DACH2: variants seen among roughly 807,000 people sequenced by gnomAD.
DACH2 encodes dachshund homolog 2.
In DACH2, 17 loss-of-function variants were observed where a neutral mutation model predicts 35.8. That is an observed-to-expected ratio of 0.48 (90% CI 0.33 to 0.71). The LOEUF (loss-of-function observed/expected upper bound fraction) is 0.71, where lower values mean the gene tolerates loss of function less well. Ranked by LOEUF, DACH2 falls within the 30% of genes least tolerant of loss-of-function variation. The probability of loss-of-function intolerance (pLI) is 0.02; values close to 1 mark genes in which losing one functional copy is unlikely to be tolerated. For missense variants in DACH2, 469 were observed against 472.7 expected (o/e 0.99, Z 0.07); for synonymous variants, 195 against 177.3 (o/e 1.10, Z -0.79).
Position 86,287,554 on chromosome X carries a change from G to A in DACH2, c.489-89270G>A, listed in dbSNP as rs115600131. Among the ~76,000 whole-genome samples, 1,078 of 111,168 alleles carry A rather than the reference G, an allele frequency of 9.7e-3. 9 individuals are homozygous for A. Among genetic ancestry groups the A allele is most frequent in the African/African-American group, 0.03 (917 of 30,637 alleles). On this transcript the variant is annotated intron_variant, in intron 1 of 11. Coordinates refer to ENST00000373125, the MANE Select transcript of DACH2 (RefSeq NM_053281.3). ...CTCTTTTGAGTCTATATTCTAGATC[G>A]TGTAGGTGTGCTTCGTTGTTTTTGT...
Position 86,247,749 on chromosome X carries a change from T to C in DACH2, c.488+98641T>C, listed in dbSNP as rs138581324. On this transcript the variant is annotated intron_variant, in intron 1 of 11. Coordinates refer to ENST00000373125, the MANE Select transcript of DACH2 (RefSeq NM_053281.3). ...CAGAGACACAACACAAAAAGAAAAC[T>C]TTAGGCCAATATCCCTGATTAACGT... is the stretch of plus-strand genomic sequence containing the variant. Among the ~76,000 whole-genome samples, 325 of 110,856 alleles carry C rather than the reference T, an allele frequency of 2.9e-3. 1 individual carries two copies. Among genetic ancestry groups the C allele is most frequent in the African/African-American group, 9.8e-3 (299 of 30,589 alleles).
At chrX:86,209,525 T>C (rs2032396350) in intron 1 of DACH2, among the ~76,000 whole-genome samples, 1 of 112,064 alleles carries the variant, frequency 8.9e-6, no homozygotes, top group Non-Finnish European at 1.9e-5. Context: ...TGTGATTTAC[T>C]GTACCTTTGT....
intron 1 of DACH2, among the ~76,000 whole-genome samples, chrX:86,338,917 A>G (rs768579805): frequency 1.8e-5 from 2 of 112,338 alleles, no homozygotes; most frequent in African/African-American, 3.2e-5. Context: ...ACAAACTACC[A>G]TCAGAGAATA....
chrX:86,466,666 G>T (rs963289040), intron 2 of DACH2, among the ~76,000 whole-genome samples: 7 of 112,015 alleles, frequency 6.2e-5, no homozygotes, highest in African/African-American at 1.3e-4. Context: ...TATAGGTATT[G>T]TGTAAACCTG....
chrX:86,770,661 T>C (rs1489612262), intron 7 of DACH2, among the ~76,000 whole-genome samples: 1 of 112,173 alleles, frequency 8.9e-6, no homozygotes, highest in Non-Finnish European at 1.9e-5. Flanking sequence ...TTCCTTATTT[T>C]TCCGGGGAAA....
At chrX:86,528,339 G>A (rs1182081696) in intron 3 of DACH2, among the ~76,000 whole-genome samples, 3 of 111,338 alleles carry the variant, frequency 2.7e-5, no homozygotes, top group Non-Finnish European at 5.7e-5. Context: ...GATATCCTTT[G>A]GAAGGAAAAA....
chrX:86,291,903 C>T (rs1226357223), intron 1 of DACH2, among the ~76,000 whole-genome samples: 1 of 66,381 alleles, frequency 1.5e-5, no homozygotes, highest in Non-Finnish European at 2.7e-5. Context: ...GGTTGTGTCT[C>T]TGCCCAGCTT....
At chrX:86,601,721 T>C (rs2148359157) in intron 3 of DACH2, among the ~76,000 whole-genome samples, 1 of 112,463 alleles carries the variant, frequency 8.9e-6, no homozygotes, top group South Asian at 3.6e-4. Context: ...CATTTGATCA[T>C]TATATGTTTA....
At chrX:86,264,398 C>T (rs1045432154) in intron 1 of DACH2, among the ~76,000 whole-genome samples, 13 of 111,784 alleles carry the variant, frequency 1.2e-4, no homozygotes, top group Middle Eastern at 4.6e-3. Context: ...ACTTATTGTG[C>T]GAAAGTTTTT....
intron 2 of DACH2, among the ~76,000 whole-genome samples, chrX:86,414,918 G>A (rs1276208229): frequency 3.6e-5 from 4 of 111,449 alleles, no homozygotes; most frequent in Non-Finnish European, 3.8e-5. Context: ...TTCCCTAGAG[G>A]GACAGGACTT....
intron 11 of DACH2, among the ~76,000 whole-genome samples, chrX:86,821,128 A>ATCTC (rs1771597336): frequency 9.0e-6 from 1 of 111,096 alleles, no homozygotes; most frequent in African/African-American, 3.3e-5. Context: ...ATCTTTCTCT[A>ATCTC]TCTCTAGGGG....
chrX:86,485,759 C>T lies in DACH2; in HGVS notation c.528-28520C>T, dbSNP rs7056125. On this transcript the variant is annotated intron_variant, in intron 2 of 11. Transcript: ENST00000373125. ...TTGATCAGTAATGAATTATGCCTAC[C>T]TTTTAACTGTTTTTCCCACATATTT... Among the ~76,000 whole-genome samples, 578 of 111,211 alleles carry T rather than the reference C, an allele frequency of 5.2e-3. 4 individuals carry two copies. The highest frequency in any genetic ancestry group is 0.018 in the African/African-American group (558 of 30,658).
intron 2 of DACH2, among the ~76,000 whole-genome samples, chrX:86,482,090 G>C (rs1569416976): frequency 9.0e-6 from 1 of 111,314 alleles, no homozygotes; most frequent in African/African-American, 3.3e-5. Flanking sequence ...GTTGCACATT[G>C]TGGTGAATAC....
intron 2 of DACH2, among the ~76,000 whole-genome samples, chrX:86,435,069 G>T (rs1398499931): frequency 9.0e-6 from 1 of 111,137 alleles, no homozygotes; most frequent in Non-Finnish European, 1.9e-5. Context: ...CCCTAACACT[G>T]CCCACTAGGC....
intron 1 of DACH2, among the ~76,000 whole-genome samples, chrX:86,212,336 G>T (rs2032463734): frequency 9.0e-6 from 1 of 111,397 alleles, no homozygotes; most frequent in Non-Finnish European, 1.9e-5. Flanking sequence ...ACTATTTTAT[G>T]TATAGTGTTA....
At chrX:86,238,351 A>G (rs1434418217) in intron 1 of DACH2, among the ~76,000 whole-genome samples, 4 of 111,736 alleles carry the variant, frequency 3.6e-5, no homozygotes, top group East Asian at 5.6e-4. Flanking sequence ...CAACTTTTAT[A>G]TATAGCTTTG....
intron 7 of DACH2, among the ~76,000 whole-genome samples, chrX:86,781,221 A>G (rs1029727266): frequency 3.6e-4 from 40 of 111,347 alleles, no homozygotes; most frequent in Non-Finnish European, 7.4e-4. Context: ...CTTTCTCTAC[A>G]GGAGCCGAGA....
rs184869733 is a variant in DACH2, at chrX:86,673,742, G to C, written c.773-21279G>C. Among the ~76,000 whole-genome samples the C allele has an allele frequency of 5.4e-5, 6 of 111,761 alleles. No homozygotes were observed. The East Asian group carries it at 1.7e-3, about 32-fold the overall frequency. On this transcript the variant is annotated intron_variant, in intron 4 of 11. Transcript: ENST00000373125. ...TGTGGCCCTGCCCAAATCTCCTGTT[G>C]AGTTGTCATTCCCAGTGTTGGAGGT... is the stretch of plus-strand genomic sequence containing the variant.
chrX:86,313,004 T>A, intron 1 of DACH2, among the ~76,000 whole-genome samples: 1 of 111,279 alleles, frequency 9.0e-6, no homozygotes. Flanking sequence ...TGCAGTAGGG[T>A]GACTACAGTT....
Sources: allele counts gnomAD v4.1 joint callset (sites outside exome capture counted in the v4.1 genomes callset), GRCh38; gene constraint gnomAD v4.1.1; transcripts MANE v1.5; gene names NCBI Gene and HGNC (gene_info 2026-07-23, HGNC 2026-07-21).